ADGRL2: variants seen among roughly 807,000 people sequenced by gnomAD.
ADGRL2 encodes the protein adhesion G protein-coupled receptor L2, also known as calcium-independent alpha-latrotoxin receptor 2.
A neutral mutation model predicts 157.4 loss-of-function variants in ADGRL2; 44 were observed. That is an observed-to-expected ratio of 0.28 (90% CI 0.22 to 0.36). The LOEUF is 0.36. ADGRL2 is among the 10% of genes least tolerant of loss of function. The pLI is 1.00. For synonymous variants in ADGRL2, 585 were observed against 624.7 expected (o/e 0.94, Z 0.95); for missense variants, 1,510 against 1,768.9 (o/e 0.85, Z 2.63).
chr1:81,913,505 C>G (rs905716911), intron 3 of ADGRL2, among the ~76,000 whole-genome samples: 26 of 152,072 alleles, frequency 1.7e-4, no homozygotes, highest in Non-Finnish European at 3.2e-4. Context: ...ATTCTTGCCA[C>G]GAGGCAAGCC....
At chr1:81,980,002 G>T in intron 18 of ADGRL2, 42 bp downstream of exon 18, 2 of 1,062,170 alleles carry the variant, frequency 1.9e-6, no homozygotes, top group Non-Finnish European at 2.9e-6. Context: ...GACAAACTAA[G>T]TAAAAGATAC....
chr1:81,394,067 C>A (rs1167201381), intron 1 of ADGRL2, among the ~76,000 whole-genome samples: 3 of 151,896 alleles, frequency 2.0e-5, no homozygotes, highest in Non-Finnish European at 4.4e-5. Flanking sequence ...AATGGAATTA[C>A]AATATGTAGT....
intron 2 of ADGRL2, among the ~76,000 whole-genome samples, chr1:81,561,094 C>T (rs1177094987): frequency 6.6e-6 from 1 of 152,144 alleles, no homozygotes; most frequent in African/African-American, 2.4e-5. Context: ...TACCTCCTCT[C>T]TAACACCATT....
chr1:81,385,833 A>C (rs980186762), intron 1 of ADGRL2, among the ~76,000 whole-genome samples: 5 of 152,162 alleles, frequency 3.3e-5, no homozygotes, highest in Non-Finnish European at 7.4e-5. Flanking sequence ...TAGCTTTCAA[A>C]TCTAGAGTTG....
In ADGRL2 at chr1:81,971,896, G is replaced by T. The variant is rs762607724; in HGVS notation, c.2999G>T (p.Gly1000Val). 48 of 1,611,342 alleles carry T rather than the reference G, an allele frequency of 3.0e-5. No individual in the cohort carries two copies. The highest frequency in any genetic ancestry group is 3.8e-5 in the Non-Finnish European group (45 of 1,178,446). Reference sequence around the variant, plus strand: ...AACTACTTTATATGGAGCTTCATTGGACCTGTTACCTTCATTATTCTGGTA... The same window carrying T: ...AACTACTTTATATGGAGCTTCATTGTACCTGTTACCTTCATTATTCTGGTA... ...VDNYFIWSFI[G>V]PVTFIILLNI... The change falls in exon 17 of 24, where the codon GGA becomes GTA. Residue 1000 changes from glycine to valine, a missense_variant. By Grantham distance (109) the Gly-to-Val change is moderately radical. This residue lies in a region of ADGRL2 where 497 missense variants were observed against 627.2 expected (regional missense o/e 0.79). Transcript: ENST00000686636.
At chr1:81,682,176 G>C (rs1487165046) in intron 3 of ADGRL2, among the ~76,000 whole-genome samples, 1 of 151,108 alleles carries the variant, frequency 6.6e-6, no homozygotes, top group Non-Finnish European at 1.5e-5. Flanking sequence ...AGTATTACAG[G>C]AAGGAAGCTG....
At chr1:81,660,113 T>G (rs2082622050) in intron 3 of ADGRL2, among the ~76,000 whole-genome samples, 1 of 152,194 alleles carries the variant, frequency 6.6e-6, no homozygotes, top group Non-Finnish European at 1.5e-5. Context: ...GGGTGTATTC[T>G]AAGAATTAGG....
intron 17 of ADGRL2, among the ~76,000 whole-genome samples, chr1:81,976,260 C>T (rs1007064568): frequency 1.3e-5 from 2 of 151,798 alleles, no homozygotes; most frequent in African/African-American, 2.4e-5. Context: ...TGCCATCTTA[C>T]GATTTATGTC....
chr1:81,722,896 T>G, intron 1 of ADGRL2: 1 of 726,210 alleles, frequency 1.4e-6, no homozygotes, highest in Non-Finnish European at 2.5e-6. Context: ...CCAGAATGCC[T>G]GGACTCAATG....
intron 1 of ADGRL2, among the ~76,000 whole-genome samples, chr1:81,432,163 G>A (rs1484568694): frequency 6.6e-6 from 1 of 152,172 alleles, no homozygotes. Flanking sequence ...AATTCCTCTG[G>A]GAAACATATA....
chr1:81,634,858 C>T (rs553401143), intron 3 of ADGRL2, among the ~76,000 whole-genome samples: 1 of 152,216 alleles, frequency 6.6e-6, no homozygotes, highest in Admixed American at 6.5e-5. Context: ...AGAAGATACA[C>T]ACTGTTGATG....
chr1:81,362,208 A>G (rs181561101), intron 1 of ADGRL2, among the ~76,000 whole-genome samples: 272 of 151,960 alleles, frequency 1.8e-3, no homozygotes, highest in African/African-American at 6.1e-3. Context: ...TCACCTTGAC[A>G]TTTAATGTAG....
intron 2 of ADGRL2, chr1:81,502,531 C>T (rs2078876496): frequency 1.9e-6 from 3 of 1,613,916 alleles, no homozygotes; most frequent in South Asian, 1.1e-5. Context: ...TGGACCTGTA[C>T]ATGCTGTATA....
At chr1:81,795,664 C>T (rs1298199772), upstream of ADGRL2, among the ~76,000 whole-genome samples, 2 of 152,130 alleles carry the variant, frequency 1.3e-5, no homozygotes, top group Non-Finnish European at 2.9e-5. Flanking sequence ...TGAACTATGA[C>T]ATGAATAATC....
chr1:81,936,293 A>G (rs1026239428), intron 3 of ADGRL2, among the ~76,000 whole-genome samples: 3 of 151,914 alleles, frequency 2.0e-5, no homozygotes, highest in Admixed American at 1.3e-4. Context: ...TGAGAAATTC[A>G]GGTTTTGACT....
At chr1:81,483,268 T>G (rs1260172336) in intron 2 of ADGRL2, among the ~76,000 whole-genome samples, 5 of 152,160 alleles carry the variant, frequency 3.3e-5, no homozygotes, top group Non-Finnish European at 5.9e-5. Flanking sequence ...GAGTCTTACT[T>G]AAGCCATTTA....
At chr1:81,699,936 A>C (rs189986369) in intron 1 of ADGRL2, 2 of 152,298 alleles carry the variant, frequency 1.3e-5, no homozygotes, top group Admixed American at 1.3e-4. Flanking sequence ...AGGATCTTGA[A>C]CTTGAGGGAT....
rs139171278 is a variant in ADGRL2 at position 81,372,326 on chromosome 1, A to G, written c.-302+65817A>G. On this transcript the variant is annotated intron_variant, in intron 1 of 24. Transcript: ENST00000370721. ...TGGTACATTTAGAGCTCAGGAACCC[A>G]TGTTACTTCTAAGATATAAAAATGT... Among the ~76,000 whole-genome samples, 10 of 152,362 alleles carry G rather than the reference A, an allele frequency of 6.6e-5. No individual in the cohort carries two copies. The East Asian group carries it at 1.2e-3, about 18-fold the overall frequency.
At chr1:81,868,216 T>C (rs1243687433) in intron 2 of ADGRL2, among the ~76,000 whole-genome samples, 1 of 152,146 alleles carries the variant, frequency 6.6e-6, no homozygotes, top group South Asian at 2.1e-4. Context: ...CTCAAAGTTC[T>C]TGCCTCCATG....
Sources: gnomAD v4.1 joint callset for allele counts (sites outside exome capture counted in the v4.1 genomes callset) on GRCh38, gnomAD v4.1.1 for gene constraint, gnomAD v4.1.1 regional missense constraint, MANE v1.5 for transcripts, NCBI Gene and HGNC (gene_info 2026-07-23, HGNC 2026-07-21) for gene names.